CRTC2: variants seen among roughly 807,000 people sequenced by gnomAD.
CRTC2 encodes the protein CREB regulated transcription coactivator 2.
In CRTC2, 25 loss-of-function variants were observed where a neutral mutation model predicts 70.9. That is an observed-to-expected ratio of 0.35 (90% CI 0.26 to 0.49). The LOEUF (loss-of-function observed/expected upper bound fraction) is 0.49. Ranked by LOEUF, CRTC2 falls within the 20% of genes least tolerant of loss-of-function variation. CRTC2 has a pLI of 0.98. For synonymous variants in CRTC2, 330 were observed against 364.1 expected, an observed-to-expected ratio of 0.91 and a Z score of 1.07; for missense variants, 737 against 882.6, an observed-to-expected ratio of 0.83 and a Z score of 2.09.
chr1:153,952,076 G>C lies in CRTC2; in HGVS notation c.939C>G (p.Thr313=). The C allele has an allele frequency of 1.2e-6, 2 of 1,614,110 alleles. No individual in the cohort carries two copies. Among genetic ancestry groups the C allele is most frequent in the Non-Finnish European group, 1.7e-6 (2 of 1,179,988 alleles). The change falls in exon 10 of 14, where the codon ACC becomes ACG. Residue 313 remains threonine, a synonymous_variant. Transcript: ENST00000368633. ...GGNSTSNLTH[T]MTHLGISRGM... ...CCCTGCTGATGCCCAGGTGAGTCAT[G>C]GTGTGGGTCAAATTGGAGGTACTGT...
intron 1 of CRTC2, chr1:153,958,099 A>G: frequency 7.3e-7 from 1 of 1,375,464 alleles, no homozygotes; most frequent in African/African-American, 1.5e-5. Flanking sequence ...CTCTCCGCCC[A>G]CTCCCACCTC....
chr1:153,954,592 T>C (rs1253399231), intron 3 of CRTC2, among the ~76,000 whole-genome samples: 1 of 152,076 alleles, frequency 6.6e-6, no homozygotes, highest in Non-Finnish European at 1.5e-5. Flanking sequence ...AGAGACCCAA[T>C]CTCCTTTAGC....
At chr1:153,955,877 G>A (rs1463209190) in intron 1 of CRTC2, among the ~76,000 whole-genome samples, 1 of 152,062 alleles carries the variant, frequency 6.6e-6, no homozygotes, top group African/African-American at 2.4e-5. Context: ...CTGAGGGCCT[G>A]TCTCATTTGG....
intron 10 of CRTC2, 52 bp from the exon 11 acceptor site, chr1:153,951,718 A>G (rs780852822): frequency 6.3e-7 from 1 of 1,588,524 alleles, no homozygotes; most frequent in African/African-American, 1.3e-5. Flanking sequence ...ATGGGAACTG[A>G]GCCCCTTTCC....
Position 153,958,368 on chromosome 1 carries a change from T to C in CRTC2, c.130A>G (p.Met44Val). The C allele has an allele frequency of 6.2e-7, 1 of 1,612,846 alleles. No individual in the cohort carries two copies. Among genetic ancestry groups the C allele is most frequent in the Non-Finnish European group, 8.5e-7 (1 of 1,179,584 alleles). Residue 44 changes from methionine to valine, a missense_variant, in exon 1 of 14, where the codon ATG (methionine) becomes GTG (valine). By Grantham distance (21) the Met-to-Val change is conservative (BLOSUM62 1). Around this residue, in one of 3 missense-constraint regions of CRTC2, gnomAD observed 699 missense variants for 823.7 expected, o/e 0.85. Coordinates refer to ENST00000368633, the MANE Select transcript of CRTC2 (RefSeq NM_181715.3). The stretch of plus-strand genomic sequence containing the variant: ...ACCCGGGTGGAGCCGATGTCCATCA[T>C]CACCTCCTCGAAGGCCGCCGTCTCC... ...AEETAAFEEV[M>V]MDIGSTRLQA...
At chr1:153,957,459 T>G (rs567136453) in intron 1 of CRTC2, among the ~76,000 whole-genome samples, 3 of 152,306 alleles carry the variant, frequency 2.0e-5, no homozygotes, top group Admixed American at 2.0e-4. Flanking sequence ...GGCGGACTCC[T>G]ACCCCTTGGT....
rs1200702137 is a variant in CRTC2, at chr1:153,952,435, G to T, written c.714C>A (p.Ser238=). The part of the protein sequence containing the change: ...KPWDAKKLSS[S]SSRPRSCEVP... ...CTTCACAGGACCGAGGTCGGGAAGA[G>T]GATGAGGATAGCTGAGGAGAGAAGG... Residue 238 remains serine, a synonymous_variant, in exon 9 of 14, where the codon TCC becomes TCA. Coordinates refer to ENST00000368633, the MANE Select transcript of CRTC2 (RefSeq NM_181715.3). 2 of 1,614,226 alleles carry T rather than the reference G, an allele frequency of 1.2e-6. No homozygotes were observed. The highest frequency in any genetic ancestry group is 4.5e-5 in the East Asian group (2 of 44,886).
rs1346788524 is a variant in CRTC2 at position 153,958,381 on chromosome 1, G to A, written c.117C>T (p.Ala39=). ...CGATGTCCATCATCACCTCCTCGAA[G>A]GCCGCCGTCTCCTCGGCCTGACGCT... ...QKQRQAEETA[A]FEEVMMDIGS... Residue 39 remains alanine, a synonymous_variant, in exon 1 of 14, where the codon GCC becomes GCT. Transcript: ENST00000368633. The A allele has an allele frequency of 2.5e-6, 4 of 1,613,076 alleles. No individual in the cohort carries two copies. Among genetic ancestry groups the A allele is most frequent in the East Asian group, 2.2e-5 (1 of 44,848 alleles).
At position 153,958,492 on chromosome 1, in the gene CRTC2, C is replaced by T; in HGVS notation, c.6G>A (p.Ala2=). Residue 2 remains alanine (A), a synonymous_variant, in exon 1 of 14, where the codon GCG becomes GCA. Coordinates refer to ENST00000368633, the MANE Select transcript of CRTC2 (RefSeq NM_181715.3). The part of the protein sequence containing the change: M[A]TSGANGPGSA... The stretch of plus-strand genomic sequence containing the variant: ...AACCAGGCCCGTTCGCCCCCGACGT[C>T]GCCATCTTCCTTCCCCGTCCCTCCC... 1.9e-6 allele frequency: 3 copies of T among 1,608,282 alleles called. No homozygotes were observed. Among genetic ancestry groups the T allele is most frequent in the Non-Finnish European group, 2.6e-6 (3 of 1,176,240 alleles).
At chr1:153,953,224 T>G in intron 6 of CRTC2, 42 bp downstream of exon 6, 2 of 944,810 alleles carry the variant, frequency 2.1e-6, no homozygotes, top group Non-Finnish European at 3.1e-6. Context: ...AATAAATAAA[T>G]AGCTCCATGG....
chr1:153,950,318 G>T (rs1041552996), intron 11 of CRTC2, among the ~76,000 whole-genome samples: 1 of 152,178 alleles, frequency 6.6e-6, no homozygotes, highest in Non-Finnish European at 1.5e-5. Flanking sequence ...GAGGCCAGAG[G>T]GGGTGGGAAA....
chr1:153,955,575 A>AAG (rs1304953207), intron 1 of CRTC2, among the ~76,000 whole-genome samples: 1 of 150,766 alleles, frequency 6.6e-6, no homozygotes, highest in East Asian at 1.9e-4. Flanking sequence ...TCAAAAAAAA[A>AAG]AAAAAAAAAA....
At chr1:153,957,651 C>A (rs1284228090) in intron 1 of CRTC2, among the ~76,000 whole-genome samples, 1 of 152,168 alleles carries the variant, frequency 6.6e-6, no homozygotes, top group Non-Finnish European at 1.5e-5. Flanking sequence ...GAAAGCTCAG[C>A]AAACCATAGA....
chr1:153,952,406 G>C lies in CRTC2; in HGVS notation c.743C>G (p.Pro248Arg), dbSNP rs748252833. The change falls in exon 9 of 14, where the codon CCT (proline) becomes CGT (arginine). Residue 248 changes from proline (P) to arginine (R), a missense_variant. By Grantham distance (103) the Pro-to-Arg change is moderately radical. Coordinates refer to ENST00000368633, the MANE Select transcript of CRTC2 (RefSeq NM_181715.3). ...SSSRPRSCEV[P>R]GINIFPSPDQ... is the part of the protein sequence containing the mutation. ...CTCAGGGAGTACTTACTTAATTCCAGGGACTTCACAGGACCGAGGTCGGGA... is the reference window on the plus strand; with the variant it reads ...CTCAGGGAGTACTTACTTAATTCCACGGACTTCACAGGACCGAGGTCGGGA... The C allele has an allele frequency of 3.1e-6, 5 of 1,614,188 alleles. No individual in the cohort carries two copies. The highest frequency in any genetic ancestry group is 4.2e-6 in the Non-Finnish European group (5 of 1,180,012).
At chr1:153,953,404 A>T in intron 5 of CRTC2, 35 bp from the exon 6 acceptor site, 1 of 1,547,350 alleles carries the variant, frequency 6.5e-7, no homozygotes, top group Non-Finnish European at 8.9e-7. Context: ...GACACCAGTG[A>T]CAGTCTTCCT....
At position 153,958,194 on chromosome 1, in the gene CRTC2, C is replaced by T; in HGVS notation, c.153+151G>A. On this transcript the variant is annotated intron_variant, in intron 1 of 13. Transcript: ENST00000368633. ...CGGCAAAATCCTTCTTCCTGCCCCTCGGCCCTCAACCTGCGCCTCCCAAAC... is the reference window on the plus strand; with the variant it reads ...CGGCAAAATCCTTCTTCCTGCCCCTTGGCCCTCAACCTGCGCCTCCCAAAC... 3.5e-6 allele frequency: 5 copies of T among 1,430,460 alleles called. No homozygotes were observed. The South Asian group carries it at 4.4e-5, about 13-fold the overall frequency. 88.6% of individuals were successfully genotyped at this position (1,430,460 alleles called of 1,614,324 possible).
chr1:153,954,436 A>T (rs1306642103), intron 3 of CRTC2, 120 bp from the exon 4 acceptor site: 1 of 730,396 alleles, frequency 1.4e-6, no homozygotes, highest in South Asian at 1.5e-5. Flanking sequence ...CTCCTCTTCT[A>T]TAAGGGACAA....
intron 5 of CRTC2, 62 bp downstream of exon 5, chr1:153,953,476 G>C (rs1680465806): frequency 1.3e-6 from 2 of 1,552,140 alleles, no homozygotes; most frequent in Admixed American, 3.5e-5. Flanking sequence ...GTGGGGGTGA[G>C]GGAGCAGGGC....
rs372704738 is a variant in CRTC2 at position 153,948,343 on chromosome 1, A to G, written c.1862-14T>C. The G allele has an allele frequency of 3.7e-6, 6 of 1,614,032 alleles. No individual in the cohort carries two copies. The highest frequency in any genetic ancestry group is 4.2e-6 in the Non-Finnish European group (5 of 1,179,966). ...GAGAGGAGTCCCCTGTGGGTAGAAG[A>G]GACAGGTGAGGACCCCATGTCCTGT... On this transcript the variant is annotated splice_polypyrimidine_tract_variant and intron_variant, in intron 13 of 13. Transcript: ENST00000368633.
Sources: allele counts gnomAD v4.1 joint callset (sites outside exome capture counted in the v4.1 genomes callset), GRCh38; gene constraint gnomAD v4.1.1; regional missense constraint gnomAD v4.1.1; transcripts MANE v1.5; gene names NCBI Gene and HGNC (gene_info 2026-07-23, HGNC 2026-07-21).